Variants in GRM8 observed in about 807,000 individuals in gnomAD.
The protein encoded by GRM8 is metabotropic glutamate receptor 8.
A neutral mutation model predicts 87.2 loss-of-function variants in GRM8; 47 were observed. That is an observed-to-expected ratio of 0.54 (90% CI 0.43 to 0.69). GRM8 has a LOEUF of 0.69. GRM8 is among the 30% of genes least tolerant of loss of function. The pLI is 0.00. For missense variants in GRM8, 1,019 were observed against 1,139.2 expected (o/e 0.89, Z 1.52); for synonymous variants, 396 against 404.5 (o/e 0.98, Z 0.25).
intron 3 of GRM8, among the ~76,000 whole-genome samples, chr7:126,997,555 A>T: frequency 6.6e-6 from 1 of 151,504 alleles, no homozygotes; most frequent in South Asian, 2.1e-4. Context: ...AGAAAAAAAA[A>T]AAAAGAGACG....
At chr7:127,072,915 C>A (rs921896403) in intron 3 of GRM8, among the ~76,000 whole-genome samples, 1 of 151,780 alleles carries the variant, frequency 6.6e-6, no homozygotes, top group Non-Finnish European at 1.5e-5. Flanking sequence ...CCAGGAGAGA[C>A]AAAGCTAGCC....
At chr7:126,801,220 A>C (rs959123028) in intron 6 of GRM8, among the ~76,000 whole-genome samples, 2 of 152,174 alleles carry the variant, frequency 1.3e-5, no homozygotes, top group African/African-American at 4.8e-5. Flanking sequence ...CCCATTCTCT[A>C]GATAACCATT....
At chr7:127,028,182 C>A (rs533797343) in intron 3 of GRM8, among the ~76,000 whole-genome samples, 2 of 152,182 alleles carry the variant, frequency 1.3e-5, no homozygotes, top group Non-Finnish European at 2.9e-5. Flanking sequence ...AGGGATGAAG[C>A]CAACTTGATC....
At chr7:126,509,456 G>T (rs894171550) in intron 9 of GRM8, among the ~76,000 whole-genome samples, 1 of 152,024 alleles carries the variant, frequency 6.6e-6, no homozygotes, top group Non-Finnish European at 1.5e-5. Flanking sequence ...CCCACATTCA[G>T]TTGTGAAATA....
chr7:127,136,872 C>A (rs568712676), intron 2 of GRM8, among the ~76,000 whole-genome samples: 3 of 151,864 alleles, frequency 2.0e-5, no homozygotes, highest in Admixed American at 6.6e-5. Context: ...TTTAAATATT[C>A]CACTCCTGAG....
intron 9 of GRM8, among the ~76,000 whole-genome samples, chr7:126,529,897 T>C (rs1814529049): frequency 6.6e-6 from 1 of 152,220 alleles, no homozygotes; most frequent in African/African-American, 2.4e-5. Context: ...TTCACACCAC[T>C]TTTCTATAGG....
rs763970228 is a variant in GRM8, at chr7:126,533,285, G to C, written c.2097C>G (p.Thr699=). ...FISPASQLVI[T]FSLISVQLLG... ...GGAGCTGGACGGAGATGAGGCTGAA[G>C]GTGATCACCAGCTGAGATGCTGGAC... The change falls in exon 9 of 11, where the codon ACC becomes ACG. Residue 699 remains threonine, a synonymous_variant. Transcript: ENST00000339582. 6.2e-7 allele frequency: 1 copy of C among 1,613,676 alleles called. No homozygotes were observed. The highest frequency in any genetic ancestry group is 1.1e-5 in the South Asian group (1 of 91,054).
intron 6 of GRM8, among the ~76,000 whole-genome samples, chr7:126,886,805 ACAGTTTATATGTGAC>A (rs1440673922): frequency 2.0e-5 from 3 of 152,134 alleles, no homozygotes; most frequent in Non-Finnish European, 2.9e-5. Flanking sequence ...CCCAAGTACT[ACAGTTTATATGTGAC>A]CAGTTTTTGA....
intron 2 of GRM8, among the ~76,000 whole-genome samples, chr7:127,185,343 C>A (rs1046336535): frequency 7.9e-5 from 12 of 151,954 alleles, no homozygotes; most frequent in African/African-American, 2.7e-4. Context: ...GACACAGAAG[C>A]AATGGCAATT....
At chr7:126,875,414 A>G (rs1799450160) in intron 6 of GRM8, among the ~76,000 whole-genome samples, 1 of 152,138 alleles carries the variant, frequency 6.6e-6, no homozygotes, top group Non-Finnish European at 1.5e-5. Flanking sequence ...GGGACTGTGA[A>G]AACCTCTTAG....
intron 7 of GRM8, among the ~76,000 whole-genome samples, chr7:126,662,931 C>T (rs553986183): frequency 4.6e-5 from 7 of 152,230 alleles, no homozygotes; most frequent in East Asian, 1.9e-4. Context: ...AAGCCAGGCA[C>T]GAAGCTGGAC....
At chr7:127,085,842 C>T (rs915089153) in intron 3 of GRM8, among the ~76,000 whole-genome samples, 1 of 152,122 alleles carries the variant, frequency 6.6e-6, no homozygotes, top group Admixed American at 6.5e-5. Flanking sequence ...ACTTTTGTTG[C>T]CATTGCTTTT....
chr7:126,634,072 T>C (rs922074946), intron 7 of GRM8, among the ~76,000 whole-genome samples: 2 of 152,108 alleles, frequency 1.3e-5, no homozygotes, highest in Non-Finnish European at 2.9e-5. Context: ...TAGGAATAAA[T>C]TTCTTGGCTT....
At chr7:127,043,751 A>G (rs1045886970) in intron 3 of GRM8, among the ~76,000 whole-genome samples, 1 of 152,114 alleles carries the variant, frequency 6.6e-6, no homozygotes, top group African/African-American at 2.4e-5. Context: ...GTACCCTAAA[A>G]CTTAAAGTAT....
rs141378305 is a variant in GRM8, at chr7:126,948,869, G to A, written c.728-44186C>T. Among the ~76,000 whole-genome samples the A allele has an allele frequency of 3.5e-4, 53 of 152,324 alleles. 1 individual carries two copies. In the East Asian group the frequency reaches 0.01, roughly 29 times the overall value. On this transcript the variant is annotated intron_variant, in intron 3 of 10. Transcript: ENST00000339582. The stretch of plus-strand genomic sequence containing the variant: ...GAACCCAAGAGAAGCATGAACTTGG[G>A]GGAACCCCAGAGACCCACAGTAAGA...
intron 2 of GRM8, among the ~76,000 whole-genome samples, chr7:127,176,888 G>C (rs1001923719): frequency 6.6e-6 from 1 of 152,172 alleles, no homozygotes; most frequent in Non-Finnish European, 1.5e-5. Flanking sequence ...ATTCCTGCCT[G>C]GCACCACAGG....
At chr7:127,016,532 T>C (rs1034247939) in intron 3 of GRM8, among the ~76,000 whole-genome samples, 2 of 152,088 alleles carry the variant, frequency 1.3e-5, no homozygotes, top group Admixed American at 1.3e-4. Flanking sequence ...TCTAAATATG[T>C]ATCTATCAAA....
At chr7:126,444,301 C>T (rs1801764538) in intron 10 of GRM8, among the ~76,000 whole-genome samples, 2 of 152,042 alleles carry the variant, frequency 1.3e-5, no homozygotes, top group South Asian at 4.1e-4. Context: ...TTACAGTATA[C>T]CTTTTGCTAA....
rs756178077 is a variant in GRM8 at position 126,961,192 on chromosome 7, G to GA, written c.728-56510dup. Among the ~76,000 whole-genome samples, 60 of 151,858 alleles carry GA rather than the reference G, an allele frequency of 4.0e-4. No individual in the cohort carries two copies. The East Asian group carries it at 7.1e-3, about 18-fold the overall frequency. ...CTCTATGTAAAAAGGTTAAGCTTGG[G>GA]AAAAAAAAGTGAAAGATTTTCTGGT... On this transcript the variant is annotated intron_variant, in intron 3 of 10. Transcript: ENST00000339582.
Sources: gnomAD v4.1 joint callset for allele counts (sites outside exome capture counted in the v4.1 genomes callset) on GRCh38, gnomAD v4.1.1 for gene constraint, MANE v1.5 for transcripts, NCBI Gene and HGNC (gene_info 2026-07-23, HGNC 2026-07-21) for gene names.